Variants in SSMEM1 observed in about 807,000 individuals in gnomAD.
SSMEM1 encodes the protein serine rich single-pass membrane protein 1.
SSMEM1 carries 12 observed loss-of-function variants against 9.9 expected under a neutral mutation model. The ratio of observed to expected loss-of-function variants is 1.21; its 90% CI spans 0.78 to 1.96. The LOEUF is 1.96. SSMEM1 is among the 30% of genes most tolerant of loss of function. The probability of loss-of-function intolerance (pLI) is 0.00; values close to 1 mark genes in which losing one functional copy is unlikely to be tolerated. For missense variants in SSMEM1, 259 were observed against 292.2 expected (o/e 0.89, Z 0.83); for synonymous variants, 96 against 98.9 (o/e 0.97, Z 0.17).
At chr7:130,205,435 C>T, upstream of SSMEM1, 1 of 1,612,782 alleles carries the variant, frequency 6.2e-7, no homozygotes, top group Non-Finnish European at 8.5e-7. Context: ...CAAAGCCAAG[C>T]TCAAGCGGGA....
chr7:130,205,592 G>C, upstream of SSMEM1: 1 of 650,452 alleles, frequency 1.5e-6, no homozygotes, highest in Admixed American at 2.7e-5. Flanking sequence ...GCGGGAGAAA[G>C]CTAAGCAGCA....
intron 1 of SSMEM1, among the ~76,000 whole-genome samples, chr7:130,211,629 G>A (rs1798593807): frequency 6.6e-6 from 1 of 152,110 alleles, no homozygotes. Flanking sequence ...ACCGAACTAT[G>A]GCACTTTTCA....
intron 1 of SSMEM1, among the ~76,000 whole-genome samples, chr7:130,211,437 G>C (rs1247003820): frequency 6.6e-6 from 1 of 152,140 alleles, no homozygotes; most frequent in African/African-American, 2.4e-5. Flanking sequence ...GGGATTACAG[G>C]CATGAGCCAC....
intron 1 of SSMEM1, among the ~76,000 whole-genome samples, chr7:130,209,267 TGG>T: frequency 6.6e-6 from 1 of 152,224 alleles, no homozygotes; most frequent in Non-Finnish European, 1.5e-5. Flanking sequence ...GCCATAGGCC[TGG>T]GCTGGCAGTG....
upstream of SSMEM1, among the ~76,000 whole-genome samples, chr7:130,206,624 C>T (rs1487919266): frequency 2.0e-5 from 3 of 152,156 alleles, no homozygotes; most frequent in Non-Finnish European, 4.4e-5. Flanking sequence ...TTGTTTTGCT[C>T]TAGTTTTAGA....
chr7:130,216,701 GA>G lies in SSMEM1; in HGVS notation c.*232del. On this transcript the variant is annotated 3_prime_UTR_variant, in exon 3 of 3. Coordinates refer to ENST00000297819, the MANE Select transcript of SSMEM1 (RefSeq NM_145268.4). ...AACACCAAAGATCTATATCTGCTAT[GA>G]TTTTTTTATTTGAAATAGCACAAGA... is the stretch of plus-strand genomic sequence containing the variant. 5.7e-6 allele frequency: 3 copies of G among 529,728 alleles called. No homozygotes were observed. Among genetic ancestry groups the G allele is most frequent in the Non-Finnish European group, 9.8e-6 (3 of 304,944 alleles). 32.8% of individuals were successfully genotyped at this position (529,728 alleles called of 1,614,324 possible).
chr7:130,216,460 G>T lies in SSMEM1; in HGVS notation c.725G>T (p.Ser242Ile). The change falls in exon 3 of 3, where the codon AGT becomes ATT. Residue 242 changes from serine (S) to isoleucine (I), a missense_variant. Transcript: ENST00000297819. ...ATATCTGACATTAACAAGAAATTTA[G>T]TAAATTTTGAATTTTATCACGTTCT... is the stretch of plus-strand genomic sequence containing the variant. Reference protein sequence around the residue: ...SSISDINKKFSKF With the variant: ...SSISDINKKFIKF 1 of 1,607,966 alleles carries T rather than the reference G, an allele frequency of 6.2e-7. No individual in the cohort carries two copies. Among genetic ancestry groups the T allele is most frequent in the South Asian group, 1.1e-5 (1 of 90,750 alleles).
At chr7:130,205,520 G>A, upstream of SSMEM1, 5 of 1,322,004 alleles carry the variant, frequency 3.8e-6, no homozygotes, top group South Asian at 5.9e-5. Flanking sequence ...AGGGGTCGCA[G>A]GCCCAGGCGC....
At chr7:130,214,073 A>G (rs910186529) in intron 2 of SSMEM1, among the ~76,000 whole-genome samples, 1 of 152,200 alleles carries the variant, frequency 6.6e-6, no homozygotes, top group East Asian at 1.9e-4. Flanking sequence ...GCAGTGGTGC[A>G]CTGGTAAATG....
chr7:130,209,841 G>A (rs1486093992), intron 1 of SSMEM1, among the ~76,000 whole-genome samples: 1 of 152,220 alleles, frequency 6.6e-6, no homozygotes, highest in Admixed American at 6.5e-5. Flanking sequence ...GCCTCCCAAA[G>A]TGCTGGCATT....
chr7:130,206,305 C>T (rs542433187), upstream of SSMEM1, among the ~76,000 whole-genome samples: 8 of 152,294 alleles, frequency 5.3e-5, no homozygotes, highest in African/African-American at 1.4e-4. Flanking sequence ...TGCAGTGCTC[C>T]CCAAGGAGGC....
At chr7:130,210,667 A>G (rs1798574528) in intron 1 of SSMEM1, among the ~76,000 whole-genome samples, 1 of 152,238 alleles carries the variant, frequency 6.6e-6, no homozygotes, top group African/African-American at 2.4e-5. Flanking sequence ...TGGCAGAAAG[A>G]GAGCCACGGC....
chr7:130,208,081 G>A lies in SSMEM1; in HGVS notation c.171G>A (p.Arg57=). The A allele has an allele frequency of 6.2e-7, 1 of 1,611,716 alleles. No individual in the cohort carries two copies. The highest frequency in any genetic ancestry group is 8.5e-7 in the Non-Finnish European group (1 of 1,179,036). ...VIVFVLMFFS[R]ASVWMSEDKK... ...TATTTGTCCTGATGTTCTTCTCTAGGGCTTCTGTCTGGGTAGGATATCTTT... is the reference window on the plus strand; with the variant it reads ...TATTTGTCCTGATGTTCTTCTCTAGAGCTTCTGTCTGGGTAGGATATCTTT... Residue 57 remains arginine (R), a synonymous_variant, in exon 1 of 3, where the codon AGG becomes AGA. Transcript: ENST00000297819.
At chr7:130,213,346 A>AAAAT (rs1312850701) in intron 1 of SSMEM1, 134 bp from the exon 2 acceptor site, 2 of 566,240 alleles carry the variant, frequency 3.5e-6, no homozygotes, top group African/African-American at 2.0e-5. Context: ...AGACTCTCCA[A>AAAAT]AAATAAATAA....
chr7:130,215,877 A>T, intron 2 of SSMEM1, 97 bp from the exon 3 acceptor site: 1 of 1,484,096 alleles, frequency 6.7e-7, no homozygotes, highest in South Asian at 1.3e-5. Context: ...ACAACTGGCC[A>T]CTAAGAGTGA....
Position 130,207,863 on chromosome 7 carries a change from C to A in SSMEM1, c.-48C>A, listed in dbSNP as rs776224014. The A allele has an allele frequency of 8.2e-6, 13 of 1,594,586 alleles. No homozygotes were observed. Among genetic ancestry groups the A allele is most frequent in the South Asian group, 1.1e-5 (1 of 89,680 alleles). ...TAGAGGGAGTGAAGTAGTTCCCAGT[C>A]ATCTTTATCCCTTTAAGCATGGTTT... On this transcript the variant is annotated 5_prime_UTR_variant, in exon 1 of 3. Coordinates refer to ENST00000297819, the MANE Select transcript of SSMEM1 (RefSeq NM_145268.4).
intron 2 of SSMEM1, among the ~76,000 whole-genome samples, chr7:130,214,457 C>CAATATATAT (rs1798665246): frequency 6.6e-6 from 1 of 151,978 alleles, no homozygotes; most frequent in African/African-American, 2.4e-5. Flanking sequence ...AAATATATAT[C>CAATATATAT]ACACCATTTA....
At chr7:130,205,462 C>T (rs1280796346), upstream of SSMEM1, 33 of 1,604,806 alleles carry the variant, frequency 2.1e-5, no homozygotes, top group Non-Finnish European at 2.8e-5. Flanking sequence ...CGGCAAGCGG[C>T]TCTAAAGTTA....
At chr7:130,205,429 G>C (rs1020697341), upstream of SSMEM1, 4 of 1,613,088 alleles carry the variant, frequency 2.5e-6, no homozygotes, top group Non-Finnish European at 3.4e-6. Context: ...CATGCGCAAA[G>C]CCAAGCTCAA....
Sources: gnomAD v4.1 joint callset for allele counts (sites outside exome capture counted in the v4.1 genomes callset) on GRCh38, gnomAD v4.1.1 for gene constraint, MANE v1.5 for transcripts, NCBI Gene and HGNC (gene_info 2026-07-23, HGNC 2026-07-21) for gene names.